DNAH6: variants seen among roughly 807,000 people sequenced by gnomAD.
DNAH6 encodes dynein axonemal heavy chain 6.
Under a neutral mutation model 491.4 loss-of-function variants are expected in DNAH6, and 340 were observed. The ratio of observed to expected loss-of-function variants is 0.69; its 90% CI spans 0.63 to 0.76. The LOEUF is 0.76. Among genes scored for constraint, DNAH6 ranks in the 30% least tolerant of loss-of-function variants. DNAH6 has a pLI of 0.00. For missense variants in DNAH6, 4,443 were observed against 4,972.2 expected (o/e 0.89, Z 3.20); for synonymous variants, 1,603 against 1,686.1 (o/e 0.95, Z 1.21).
intron 37 of DNAH6, among the ~76,000 whole-genome samples, chr2:84,666,678 G>T (rs1329382060): frequency 6.6e-6 from 1 of 152,096 alleles, no homozygotes; most frequent in African/African-American, 2.4e-5. Context: ...ACTGCCCAAG[G>T]TAATTTATAG....
the DNAH6 span, among the ~76,000 whole-genome samples, chr2:84,494,226 T>C: frequency 6.6e-6 from 1 of 152,166 alleles, no homozygotes. Context: ...CTCTGAGAGC[T>C]CAGGACACTA....
intron 64 of DNAH6, among the ~76,000 whole-genome samples, chr2:84,769,282 C>A (rs1354851675): frequency 6.6e-6 from 1 of 152,172 alleles, no homozygotes; most frequent in Admixed American, 6.5e-5. Context: ...GCCTATGGCC[C>A]CCTGAGTGTT....
In DNAH6 at chr2:84,713,073, CTGTTT is replaced by C; in HGVS notation, c.9379-15_9379-11del. On this transcript the variant is annotated splice_polypyrimidine_tract_variant and intron_variant, in intron 56 of 76. Coordinates refer to ENST00000389394, the MANE Select transcript of DNAH6 (RefSeq NM_001370.2). The stretch of plus-strand genomic sequence containing the variant: ...TTTAATTGCTTCTTTTTGTATTGTC[CTGTTT>C]TGTTTTAATTTCTAAGCTTAAGGAA... 1 of 1,542,028 alleles carries C rather than the reference CTGTTT, an allele frequency of 6.5e-7. No homozygotes were observed. Among genetic ancestry groups the C allele is most frequent in the Non-Finnish European group, 8.8e-7 (1 of 1,142,522 alleles).
In DNAH6 at chr2:84,781,605, T is replaced by G. The variant is rs1276173362; in HGVS notation, c.10816T>G (p.Ser3606Ala). 6.4e-7 allele frequency: 1 copy of G among 1,551,986 alleles called. No individual in the cohort carries two copies. Among genetic ancestry groups the G allele is most frequent in the South Asian group, 1.2e-5 (1 of 84,048 alleles). ...VFLQNCHLAVSWMLAMEELIK... is the reference protein window; with the variant it reads ...VFLQNCHLAVAWMLAMEELIK... ...TTTGCAAAATTGCCATCTTGCTGTTTCTTGGATGTTGGCAATGGAAGAGCT... is the reference window on the plus strand; with the variant it reads ...TTTGCAAAATTGCCATCTTGCTGTTGCTTGGATGTTGGCAATGGAAGAGCT... The change falls in exon 65 of 77, where the codon TCT (serine) becomes GCT (alanine). Residue 3606 changes from serine (S) to alanine (A), a missense_variant. Ser to Ala is a moderately conservative substitution (Grantham distance 99). Coordinates refer to ENST00000389394, the MANE Select transcript of DNAH6 (RefSeq NM_001370.2).
chr2:84,704,011 T>A, intron 50 of DNAH6, 56 bp from the exon 51 acceptor site: 1 of 1,359,930 alleles, frequency 7.4e-7, no homozygotes, highest in Non-Finnish European at 1.0e-6. Flanking sequence ...GGCTTTGTTT[T>A]GAATATTAAA....
At chr2:84,786,910 T>C (rs1677256259) in intron 67 of DNAH6, among the ~76,000 whole-genome samples, 1 of 152,180 alleles carries the variant, frequency 6.6e-6, no homozygotes, top group Non-Finnish European at 1.5e-5. Context: ...AGGAAAAATG[T>C]TCTTTTGACA....
chr2:84,701,031 T>C, intron 48 of DNAH6, 66 bp from the exon 49 acceptor site: 1 of 1,501,968 alleles, frequency 6.7e-7, no homozygotes, highest in African/African-American at 1.4e-5. Context: ...TATGTTTTTC[T>C]TGGTATTAAA....
At chr2:84,598,190 T>TCTC (rs781413631) in intron 18 of DNAH6, among the ~76,000 whole-genome samples, 2 of 140,814 alleles carry the variant, frequency 1.4e-5, no homozygotes, top group Admixed American at 7.3e-5. Context: ...TCTCTTTCTT[T>TCTC]TCTTTCTTTC....
chr2:84,619,950 TC>T, intron 24 of DNAH6, 46 bp downstream of exon 24: 1 of 1,437,982 alleles, frequency 7.0e-7, no homozygotes, highest in Non-Finnish European at 9.6e-7. Context: ...ACTTTGCTAC[TC>T]CTCTAGGGTT....
At chr2:84,709,580 G>T (rs1402727408) in intron 55 of DNAH6, 34 bp downstream of exon 55, 1 of 1,548,364 alleles carries the variant, frequency 6.5e-7, no homozygotes, top group Non-Finnish European at 8.7e-7. Flanking sequence ...GTGGCTTTTG[G>T]TTCTGCTTAA....
intron 37 of DNAH6, among the ~76,000 whole-genome samples, chr2:84,666,484 C>T (rs113385425): frequency 8.9e-4 from 135 of 152,094 alleles, no homozygotes; most frequent in African/African-American, 3.0e-3. Context: ...CCAAATCATG[C>T]GTGAGCTCCC....
intron 29 of DNAH6, among the ~76,000 whole-genome samples, chr2:84,626,432 A>AT (rs1687861784): frequency 6.6e-6 from 1 of 152,128 alleles, no homozygotes; most frequent in Non-Finnish European, 1.5e-5. Flanking sequence ...TACAGTGCTT[A>AT]TAATATCAAA....
At chr2:84,647,616 T>C (rs143199255) in intron 33 of DNAH6, among the ~76,000 whole-genome samples, 5 of 152,198 alleles carry the variant, frequency 3.3e-5, no homozygotes, top group Non-Finnish European at 5.9e-5. Flanking sequence ...CAACAAGGCA[T>C]GGATGACAGT....
intron 37 of DNAH6, among the ~76,000 whole-genome samples, chr2:84,664,194 C>T (rs1010886333): frequency 5.9e-5 from 9 of 152,062 alleles, no homozygotes; most frequent in Non-Finnish European, 1.2e-4. Flanking sequence ...CATCAACTAA[C>T]GAGCAAAATA....
At chr2:84,468,192 G>C in the DNAH6 span, among the ~76,000 whole-genome samples, 1 of 152,172 alleles carries the variant, frequency 6.6e-6, no homozygotes, top group Non-Finnish European at 1.5e-5. Flanking sequence ...TGATTTAAGT[G>C]CTTATTTTTA....
intron 41 of DNAH6, among the ~76,000 whole-genome samples, chr2:84,679,011 C>T (rs1039966401): frequency 6.6e-6 from 1 of 152,114 alleles, no homozygotes; most frequent in Non-Finnish European, 1.5e-5. Flanking sequence ...GAATTCATCA[C>T]CCGTCTGTCC....
chr2:84,749,300 GA>G (rs1327805896), intron 63 of DNAH6, among the ~76,000 whole-genome samples: 1 of 152,122 alleles, frequency 6.6e-6, no homozygotes, highest in African/African-American at 2.4e-5. Context: ...GTAGTTATAG[GA>G]AAAAGAAGAG....
chr2:84,677,973 G>A (rs1245911847), intron 41 of DNAH6, among the ~76,000 whole-genome samples: 2 of 152,168 alleles, frequency 1.3e-5, no homozygotes, highest in Non-Finnish European at 2.9e-5. Flanking sequence ...TGACAGTGAC[G>A]TGGACAGTGA....
At chr2:84,615,149 T>C (rs905799798) in intron 22 of DNAH6, among the ~76,000 whole-genome samples, 5 of 152,176 alleles carry the variant, frequency 3.3e-5, no homozygotes, top group African/African-American at 1.2e-4. Context: ...CAATATTATC[T>C]TCCAGAATTG....
Sources: allele counts gnomAD v4.1 joint callset (sites outside exome capture counted in the v4.1 genomes callset), GRCh38; gene constraint gnomAD v4.1.1; transcripts MANE v1.5; gene names NCBI Gene and HGNC (gene_info 2026-07-23, HGNC 2026-07-21).